GRAMD2B: variants seen among roughly 807,000 people sequenced by gnomAD.
GRAMD2B encodes GRAM domain-containing protein 2B.
A neutral mutation model predicts 59.2 loss-of-function variants in GRAMD2B; 41 were observed. The ratio of observed to expected loss-of-function variants is 0.69; its 90% confidence interval spans 0.54 to 0.90. The LOEUF (loss-of-function observed/expected upper bound fraction) is 0.90. Ranked by LOEUF, GRAMD2B falls within the 40% of genes least tolerant of loss-of-function variation. GRAMD2B has a pLI of 0.00. For missense variants in GRAMD2B, 424 were observed against 500.5 expected (o/e 0.85, Z 1.46); for synonymous variants, 161 against 182.7 (o/e 0.88, Z 0.96).
At chr5:126,474,271 G>A (rs1447623661) in intron 5 of GRAMD2B, among the ~76,000 whole-genome samples, 4 of 152,200 alleles carry the variant, frequency 2.6e-5, no homozygotes, top group African/African-American at 4.8e-5. Context: ...TTCTTTTTGA[G>A]TAGTAGATGT....
intron 1 of GRAMD2B, among the ~76,000 whole-genome samples, chr5:126,374,944 A>T (rs2149695936): frequency 6.6e-6 from 1 of 152,338 alleles, no homozygotes; most frequent in African/African-American, 2.4e-5. Flanking sequence ...GAATTAGCTT[A>T]TCAAGTAAAA....
intron 1 of GRAMD2B, among the ~76,000 whole-genome samples, chr5:126,406,478 A>G (rs2149748108): frequency 6.6e-6 from 1 of 152,098 alleles, no homozygotes; most frequent in African/African-American, 2.4e-5. Flanking sequence ...CACCTAGATC[A>G]ATATGCAGAA....
At chr5:126,422,923 C>A (rs190814174), upstream of GRAMD2B, among the ~76,000 whole-genome samples, 66 of 151,350 alleles carry the variant, frequency 4.4e-4, no homozygotes, top group Non-Finnish European at 6.5e-4. Context: ...CCACCCCCCC[C>A]ACCCCAGAAC....
chr5:126,403,507 T>G (rs1457931021), intron 1 of GRAMD2B, among the ~76,000 whole-genome samples: 1 of 152,000 alleles, frequency 6.6e-6, no homozygotes, highest in African/African-American at 2.4e-5. Context: ...AAATATTTAT[T>G]GAGCACTCGT....
At chr5:126,423,362 G>C (rs1167392129), upstream of GRAMD2B, 8 of 1,324,702 alleles carry the variant, frequency 6.0e-6, no homozygotes, top group Non-Finnish European at 7.7e-6. Flanking sequence ...ACTTCGCTTC[G>C]ACCCTCCCCT....
chr5:126,425,607 C>CA (rs201259079), intron 1 of GRAMD2B, among the ~76,000 whole-genome samples: 1,756 of 149,934 alleles, frequency 0.012, 19 homozygotes, highest in Non-Finnish European at 0.017. Context: ...TCTCTACAGA[C>CA]AAAAAAAAAT....
At chr5:126,438,353 AC>A (rs1394891967) in intron 1 of GRAMD2B, among the ~76,000 whole-genome samples, 1 of 152,198 alleles carries the variant, frequency 6.6e-6, no homozygotes, top group Non-Finnish European at 1.5e-5. Context: ...AAGTGACAGA[AC>A]AAGCCCAGAG....
chr5:126,409,464 T>C (rs186910871), intron 1 of GRAMD2B, among the ~76,000 whole-genome samples: 9 of 152,302 alleles, frequency 5.9e-5, no homozygotes, highest in Admixed American at 5.9e-4. Context: ...TTTCATGTGT[T>C]TTTTGGCTGC....
chr5:126,421,411 G>A (rs892964511), upstream of GRAMD2B, among the ~76,000 whole-genome samples: 1 of 152,130 alleles, frequency 6.6e-6, no homozygotes, highest in Non-Finnish European at 1.5e-5. Context: ...CTATTCTGAG[G>A]AGGGTGGGGA....
chr5:126,423,562 G>T lies in GRAMD2B; in HGVS notation c.-45G>T, dbSNP rs1760012326. On this transcript the variant is annotated 5_prime_UTR_variant, in exon 1 of 14. Transcript: ENST00000285689. ...AGAAGCCGGGACGAGCCGGGGCAGA[G>T]CCAGGCGCGCGGAAGTCTGAAGGTG... 1 of 1,594,080 alleles carries T rather than the reference G, an allele frequency of 6.3e-7. No individual in the cohort carries two copies. Among genetic ancestry groups the T allele is most frequent in the Non-Finnish European group, 8.5e-7 (1 of 1,171,352 alleles).
chr5:126,455,513 A>C (rs1234532167), intron 1 of GRAMD2B, among the ~76,000 whole-genome samples: 1 of 152,016 alleles, frequency 6.6e-6, no homozygotes, highest in Non-Finnish European at 1.5e-5. Flanking sequence ...TGTGTTTCTC[A>C]TGACCTTATG....
chr5:126,360,531 T>C (rs1378758745), intron 1 of GRAMD2B: 1 of 1,439,824 alleles, frequency 6.9e-7, no homozygotes, highest in Admixed American at 2.3e-5. Context: ...TAAAAGGCCT[T>C]TTTGGTATCT....
chr5:126,361,803 T>G (rs1200633288), intron 1 of GRAMD2B, among the ~76,000 whole-genome samples: 1 of 152,200 alleles, frequency 6.6e-6, no homozygotes, highest in East Asian at 1.9e-4. Context: ...ATGATGTCTT[T>G]CCTGTCTGGG....
chr5:126,453,348 G>GAAAAAAAA (rs35983190), intron 1 of GRAMD2B, among the ~76,000 whole-genome samples: 1 of 128,192 alleles, frequency 7.8e-6, no homozygotes, highest in African/African-American at 3.0e-5. Context: ...CATCTTAAAA[G>GAAAAAAAA]AAAAAAAAAA....
At chr5:126,383,692 A>G (rs1159381434) in intron 1 of GRAMD2B, among the ~76,000 whole-genome samples, 1 of 152,222 alleles carries the variant, frequency 6.6e-6, no homozygotes, top group East Asian at 1.9e-4. Flanking sequence ...AGCCAGATAC[A>G]TGACCAAAAT....
chr5:126,386,354 G>C (rs183062875), intron 1 of GRAMD2B, among the ~76,000 whole-genome samples: 1 of 152,178 alleles, frequency 6.6e-6, no homozygotes, highest in Non-Finnish European at 1.5e-5. Context: ...AAGGAAGCAC[G>C]TTCCAAGCTG....
At chr5:126,426,851 C>A (rs1352672210) in intron 1 of GRAMD2B, among the ~76,000 whole-genome samples, 2 of 152,172 alleles carry the variant, frequency 1.3e-5, no homozygotes, top group African/African-American at 4.8e-5. Flanking sequence ...ATTTGTTCAT[C>A]TTTGTGCTAG....
intron 1 of GRAMD2B, among the ~76,000 whole-genome samples, chr5:126,395,012 A>G (rs990914112): frequency 4.6e-5 from 7 of 152,324 alleles, no homozygotes; most frequent in South Asian, 4.1e-4. Context: ...AGAAGACTCA[A>G]AACCATTCTC....
intron 1 of GRAMD2B, among the ~76,000 whole-genome samples, chr5:126,433,329 G>T (rs1047756177): frequency 6.6e-6 from 1 of 152,138 alleles, no homozygotes; most frequent in Non-Finnish European, 1.5e-5. Flanking sequence ...AAATAGAAAG[G>T]CAGGCAGTCT....
Sources: gnomAD v4.1 joint callset for allele counts (sites outside exome capture counted in the v4.1 genomes callset) on GRCh38, gnomAD v4.1.1 for gene constraint, MANE v1.5 for transcripts, NCBI Gene and HGNC (gene_info 2026-07-23, HGNC 2026-07-21) for gene names.